ZNF385D: variants seen among roughly 807,000 people sequenced by gnomAD.
The protein encoded by ZNF385D is zinc finger protein 659.
A neutral mutation model predicts 35.8 loss-of-function variants in ZNF385D; 15 were observed. The observed-to-expected ratio is 0.42, with a 90% CI of 0.28 to 0.64. The LOEUF (loss-of-function observed/expected upper bound fraction) is 0.64. Among genes scored for constraint, ZNF385D ranks in the 30% least tolerant of loss-of-function variants. The probability of loss-of-function intolerance (pLI) is 0.23; values close to 1 mark genes in which losing one functional copy is unlikely to be tolerated. For synonymous variants in ZNF385D, 212 were observed against 186.8 expected (o/e 1.13, Z -1.10); for missense variants, 474 against 494.6 (o/e 0.96, Z 0.39).
chr3:21,982,475 G>T (rs1315869534), intron 3 of ZNF385D, among the ~76,000 whole-genome samples: 1 of 152,104 alleles, frequency 6.6e-6, no homozygotes, highest in Admixed American at 6.6e-5. Context: ...AGTGGGAGGA[G>T]CTTTTGGGCT....
At chr3:21,762,462 T>C (rs1209785758) in intron 3 of ZNF385D, among the ~76,000 whole-genome samples, 1 of 152,162 alleles carries the variant, frequency 6.6e-6, no homozygotes, top group African/African-American at 2.4e-5. Flanking sequence ...TTTCCTTGAG[T>C]GCCATACTCA....
At chr3:21,934,632 A>G (rs959029310) in intron 3 of ZNF385D, among the ~76,000 whole-genome samples, 5 of 152,186 alleles carry the variant, frequency 3.3e-5, no homozygotes, top group African/African-American at 1.2e-4. Context: ...ATAGATTACA[A>G]TTAAAAAATT....
rs11714915 is a variant in ZNF385D at position 22,092,563 on chromosome 3, G to A, written c.325+76254C>T. Among the ~76,000 whole-genome samples, 14 of 152,228 alleles carry A rather than the reference G, an allele frequency of 9.2e-5. 1 individual carries two copies. Among genetic ancestry groups the A allele is most frequent in the Admixed American group, 5.9e-4 (9 of 15,284 alleles). On this transcript the variant is annotated intron_variant, in intron 3 of 5. Coordinates refer to the ZNF385D transcript ENST00000494108. ...TGTTCATGGCTATGCCCTCTCCAATGAATCTGGATCGGTATGGTGTGTGGA... is the reference window on the plus strand; with the variant it reads ...TGTTCATGGCTATGCCCTCTCCAATAAATCTGGATCGGTATGGTGTGTGGA...
At position 22,104,087 on chromosome 3, in the gene ZNF385D, A is replaced by G. The variant is rs559690842; in HGVS notation, c.325+64730T>C. 1.6e-4 allele frequency among the ~76,000 whole-genome samples: 24 copies of G among 152,080 alleles called. No homozygotes were observed. The South Asian group carries it at 3.9e-3, about 25-fold the overall frequency. The stretch of plus-strand genomic sequence containing the variant: ...TGAGGGACGTATGTGAGAACTTGTT[A>G]TCTTTTCCTTTGAAAGGTGTCCATG... On this transcript the variant is annotated intron_variant, in intron 3 of 5. Coordinates refer to the ZNF385D transcript ENST00000494108.
intron 2 of ZNF385D, among the ~76,000 whole-genome samples, chr3:22,348,533 G>A (rs943565319): frequency 6.7e-6 from 1 of 149,906 alleles, no homozygotes; most frequent in East Asian, 2.0e-4. Flanking sequence ...GTGTGGTGGT[G>A]CATGCCTGTA....
chr3:22,059,789 C>T (rs932081739), intron 3 of ZNF385D, among the ~76,000 whole-genome samples: 1 of 152,144 alleles, frequency 6.6e-6, no homozygotes, highest in Non-Finnish European at 1.5e-5. Flanking sequence ...TCTGTGTTGA[C>T]TGGGCTAAGG....
chr3:22,306,559 T>C (rs1703231756), intron 2 of ZNF385D, among the ~76,000 whole-genome samples: 1 of 152,088 alleles, frequency 6.6e-6, no homozygotes, highest in Admixed American at 6.6e-5. Flanking sequence ...CTGCCGTCTA[T>C]GCAGTGGGAG....
At chr3:22,335,802 A>G (rs975511702) in intron 2 of ZNF385D, among the ~76,000 whole-genome samples, 1 of 152,168 alleles carries the variant, frequency 6.6e-6, no homozygotes, top group Non-Finnish European at 1.5e-5. Context: ...TACCAAAAAA[A>G]TTAATTTTAA....
At chr3:22,078,710 G>A (rs563922941) in intron 3 of ZNF385D, among the ~76,000 whole-genome samples, 1 of 151,998 alleles carries the variant, frequency 6.6e-6, no homozygotes, top group African/African-American at 2.4e-5. Context: ...TGGCTATCAG[G>A]AATCTGTATC....
At position 21,621,517 on chromosome 3, in the gene ZNF385D, G is replaced by A. The variant is rs142393522; in HGVS notation, c.165+43369C>T. On this transcript the variant is annotated intron_variant, in intron 2 of 7. Transcript: ENST00000281523. ...TTGACAAGGCATTGAGCAAGAAACT[G>A]CCAATTTGCTGTGTCATCAGTTAAA... Among the ~76,000 whole-genome samples, 208 of 150,102 alleles carry A rather than the reference G, an allele frequency of 1.4e-3. 3 individuals carry two copies. The highest frequency in any genetic ancestry group is 2.3e-3 in the Admixed American group (35 of 14,990).
At chr3:21,896,079 G>T (rs938881228) in intron 3 of ZNF385D, among the ~76,000 whole-genome samples, 1 of 152,052 alleles carries the variant, frequency 6.6e-6, no homozygotes, top group African/African-American at 2.4e-5. Flanking sequence ...TTCGACATTT[G>T]GAATTAATGA....
chr3:21,509,484 T>C (rs1707039898), intron 4 of ZNF385D, among the ~76,000 whole-genome samples: 1 of 152,206 alleles, frequency 6.6e-6, no homozygotes, highest in African/African-American at 2.4e-5. Flanking sequence ...AGACCAAAGC[T>C]TTCCCTAAAA....
intron 1 of ZNF385D, among the ~76,000 whole-genome samples, chr3:21,693,814 G>A (rs1231798022): frequency 1.3e-5 from 2 of 150,898 alleles, no homozygotes; most frequent in African/African-American, 4.9e-5. Context: ...AGAGAAGAGA[G>A]TCAACTCCAG....
At chr3:22,043,406 A>C (rs1007665970) in intron 3 of ZNF385D, among the ~76,000 whole-genome samples, 1 of 152,182 alleles carries the variant, frequency 6.6e-6, no homozygotes, top group Admixed American at 6.5e-5. Flanking sequence ...AAACATAGGC[A>C]TAGATACAAA....
intron 2 of ZNF385D, among the ~76,000 whole-genome samples, chr3:22,245,571 G>A (rs576370289): frequency 2.0e-3 from 307 of 151,454 alleles, no homozygotes; most frequent in African/African-American, 7.2e-3. Context: ...GTATTTTAAA[G>A]TTGCTTGATT....
chr3:22,019,033 C>CT, intron 3 of ZNF385D, among the ~76,000 whole-genome samples: 1 of 74,336 alleles, frequency 1.3e-5, no homozygotes, highest in African/African-American at 5.7e-5. Flanking sequence ...GAGTTATTTA[C>CT]CTTTTTTTTT....
In ZNF385D at chr3:21,562,598, G is replaced by C. The variant is rs566985500; in HGVS notation, c.276+1976C>G. Among the ~76,000 whole-genome samples the C allele has an allele frequency of 1.3e-4, 20 of 152,246 alleles. No homozygotes were observed. In the East Asian group the frequency reaches 3.9e-3, roughly 29 times the overall value. ...GACAGTGAAATCATAGGCAGGAGGA[G>C]ATATTTTAAGTAGTCTCATTAAATA... On this transcript the variant is annotated intron_variant, in intron 3 of 7. Coordinates refer to ENST00000281523, the MANE Select transcript of ZNF385D (RefSeq NM_024697.3).
At chr3:21,827,315 G>A (rs928394947) in intron 3 of ZNF385D, among the ~76,000 whole-genome samples, 3 of 151,906 alleles carry the variant, frequency 2.0e-5, no homozygotes, top group Non-Finnish European at 2.9e-5. Flanking sequence ...TACAGTTATG[G>A]ACAAGTATTC....
Position 22,298,733 on chromosome 3 carries a change from A to G in ZNF385D, c.106+73717T>C, listed in dbSNP as rs559692199. 2.2e-3 allele frequency among the ~76,000 whole-genome samples: 337 copies of G among 151,114 alleles called. 3 individuals are homozygous for G. The highest frequency in any genetic ancestry group is 3.4e-3 in the Non-Finnish European group (228 of 67,654). The stretch of plus-strand genomic sequence containing the variant: ...CCAAAAAAAAAAAATAAAATGATCT[A>G]ATTTCCATTTTGGAGATTTCATTTT... On this transcript the variant is annotated intron_variant, in intron 2 of 5. Transcript: ENST00000494108.
Sources: allele counts gnomAD v4.1 joint callset (sites outside exome capture counted in the v4.1 genomes callset), GRCh38; gene constraint gnomAD v4.1.1; transcripts MANE v1.5; gene names NCBI Gene and HGNC (gene_info 2026-07-23, HGNC 2026-07-21).